Variants in WDR7 observed in about 807,000 individuals in gnomAD.
The protein encoded by WDR7 is WD repeat-containing protein 7.
A neutral mutation model predicts 169.4 loss-of-function variants in WDR7; 46 were observed. The observed-to-expected ratio is 0.27, with a 90% CI of 0.21 to 0.35. The LOEUF is 0.35. Among genes scored for constraint, WDR7 ranks in the 10% least tolerant of loss-of-function variants. The pLI, the probability that WDR7 is intolerant of heterozygous loss-of-function variation, is 1.00. For missense variants in WDR7, 1,534 were observed against 1,859.3 expected (o/e 0.83, Z 3.22); for synonymous variants, 612 against 666.8 (o/e 0.92, Z 1.27).
intron 1 of WDR7, among the ~76,000 whole-genome samples, chr18:56,664,470 G>A (rs902448204): frequency 3.0e-4 from 46 of 151,646 alleles, no homozygotes; most frequent in African/African-American, 1.0e-3. Context: ...AATGGTAGAC[G>A]GTGAGAACAT....
intron 19 of WDR7, among the ~76,000 whole-genome samples, chr18:56,810,696 G>A (rs915271050): frequency 6.6e-6 from 1 of 152,002 alleles, no homozygotes; most frequent in East Asian, 1.9e-4. Flanking sequence ...GCAGAAAAAA[G>A]TATCAAGAGA....
At chr18:56,755,634 T>C (rs2043873854) in intron 14 of WDR7, among the ~76,000 whole-genome samples, 1 of 152,190 alleles carries the variant, frequency 6.6e-6, no homozygotes, top group Admixed American at 6.5e-5. Context: ...ATACAAGCCA[T>C]TGGAGATACA....
At chr18:56,672,234 C>G (rs952404725) in intron 1 of WDR7, among the ~76,000 whole-genome samples, 1 of 151,990 alleles carries the variant, frequency 6.6e-6, no homozygotes, top group Non-Finnish European at 1.5e-5. Flanking sequence ...CTGTGAATGC[C>G]TGGGGTAAAG....
At chr18:57,036,288 C>T in the WDR7 span, 51,624 of 152,148 alleles carry the variant, frequency 0.34, 11,123 homozygotes, top group African/African-American at 0.62. Flanking sequence ...ACTGGGTTGT[C>T]GGCAGCTGAT....
intron 21 of WDR7, among the ~76,000 whole-genome samples, chr18:56,900,380 A>T (rs1490501274): frequency 6.6e-6 from 1 of 151,976 alleles, no homozygotes; most frequent in African/African-American, 2.4e-5. Context: ...TTGAAGGGAG[A>T]TGGAGAGGAA....
intron 14 of WDR7, among the ~76,000 whole-genome samples, chr18:56,745,578 T>G (rs1298114232): frequency 6.6e-6 from 1 of 152,142 alleles, no homozygotes; most frequent in Non-Finnish European, 1.5e-5. Context: ...ACTGCTGATA[T>G]GACAGGAGGT....
chr18:56,975,974 C>T (rs1205875346), intron 26 of WDR7, among the ~76,000 whole-genome samples: 1 of 152,132 alleles, frequency 6.6e-6, no homozygotes, highest in Non-Finnish European at 1.5e-5. Context: ...TGCTGAATGC[C>T]TGGCGTTACT....
chr18:56,666,940 CT>C (rs1385916832), intron 1 of WDR7, among the ~76,000 whole-genome samples: 2 of 146,528 alleles, frequency 1.4e-5, no homozygotes, highest in Non-Finnish European at 3.0e-5. Flanking sequence ...TTTTTAAATG[CT>C]TAAATATAAA....
intron 1 of WDR7, among the ~76,000 whole-genome samples, chr18:56,654,974 A>G (rs891755188): frequency 5.9e-5 from 9 of 152,304 alleles, no homozygotes; most frequent in African/African-American, 2.2e-4. Flanking sequence ...CTGAATATTG[A>G]GTCCTTTCCT....
chr18:56,860,316 A>G (rs1298276259), intron 20 of WDR7, among the ~76,000 whole-genome samples: 1 of 152,156 alleles, frequency 6.6e-6, no homozygotes, highest in Non-Finnish European at 1.5e-5. Context: ...GCTTCAATAC[A>G]TTTACTCTTG....
chr18:56,771,913 A>G (rs1323641486), intron 16 of WDR7, among the ~76,000 whole-genome samples: 2 of 151,570 alleles, frequency 1.3e-5, no homozygotes, highest in African/African-American at 4.8e-5. Flanking sequence ...TACAGAAATT[A>G]TCGGGGTGTG....
chr18:56,742,373 A>G (rs557551910), intron 14 of WDR7, among the ~76,000 whole-genome samples: 25 of 152,362 alleles, frequency 1.6e-4, no homozygotes, highest in Non-Finnish European at 2.8e-4. Flanking sequence ...TAATTTATAA[A>G]AATATACATA....
chr18:56,992,898 T>C (rs1333615613), intron 26 of WDR7, among the ~76,000 whole-genome samples: 1 of 152,180 alleles, frequency 6.6e-6, no homozygotes, highest in African/African-American at 2.4e-5. Flanking sequence ...TTTGTCCTCA[T>C]TTGGGGCTTG....
intron 26 of WDR7, among the ~76,000 whole-genome samples, chr18:56,995,591 C>T (rs149763359): frequency 1.2e-3 from 177 of 152,244 alleles, no homozygotes; most frequent in Admixed American, 3.5e-3. Flanking sequence ...TAACTAAATT[C>T]GTAGATTTGC....
intron 16 of WDR7, among the ~76,000 whole-genome samples, chr18:56,774,102 T>C (rs886520571): frequency 4.6e-5 from 7 of 152,152 alleles, no homozygotes; most frequent in Non-Finnish European, 8.8e-5. Context: ...CTTGTGTTTA[T>C]GTGCTAGGAA....
chr18:56,970,071 G>A (rs1344983076), intron 26 of WDR7, among the ~76,000 whole-genome samples: 1 of 152,016 alleles, frequency 6.6e-6, no homozygotes, highest in Non-Finnish European at 1.5e-5. Context: ...ATAAATATAT[G>A]TAAAATAAAT....
intron 22 of WDR7, among the ~76,000 whole-genome samples, chr18:56,934,967 C>G (rs576031981): frequency 5.3e-5 from 8 of 151,988 alleles, no homozygotes; most frequent in Non-Finnish European, 1.2e-4. Flanking sequence ...ATACTGTTCC[C>G]AGTGGATTAT....
chr18:56,713,658 T>A (rs1458958803), intron 12 of WDR7, among the ~76,000 whole-genome samples: 4 of 152,190 alleles, frequency 2.6e-5, no homozygotes, highest in Admixed American at 2.6e-4. Context: ...TTTAGGTGAC[T>A]TTTCGAGGTT....
rs1367429062 is a variant in WDR7, at chr18:56,691,835, T to C, written c.966+18T>C. On this transcript the variant is annotated intron_variant, in intron 9 of 27. Transcript: ENST00000254442. ...ATAAAGAGGTAAAATTCTTGAGGTG[T>C]CATTTATAATTGAAAGTTACATTGA... is the stretch of plus-strand genomic sequence containing the variant. 6 of 1,566,508 alleles carry C rather than the reference T, an allele frequency of 3.8e-6. No individual in the cohort carries two copies. Among genetic ancestry groups the C allele is most frequent in the Non-Finnish European group, 5.2e-6 (6 of 1,149,374 alleles).
Sources: allele counts gnomAD v4.1 joint callset (sites outside exome capture counted in the v4.1 genomes callset), GRCh38; gene constraint gnomAD v4.1.1; transcripts MANE v1.5; gene names NCBI Gene and HGNC (gene_info 2026-07-23, HGNC 2026-07-21).